The following MAGI1 variants were observed in gnomAD, a reference collection of about 807,000 sequenced individuals.
The protein encoded by MAGI1 is membrane associated guanylate kinase, WW and PDZ domain containing 1, also known as membrane-associated guanylate kinase, WW and PDZ domain-containing protein 1.
A neutral mutation model predicts 139.9 loss-of-function variants in MAGI1; 58 were observed. The ratio of observed to expected loss-of-function variants is 0.41; its 90% CI spans 0.34 to 0.52. The LOEUF (loss-of-function observed/expected upper bound fraction) is 0.52, where lower values mean the gene tolerates loss of function less well. Among genes scored for constraint, MAGI1 ranks in the 20% least tolerant of loss-of-function variants. MAGI1 has a pLI of 0.12. For synonymous variants in MAGI1, 812 were observed against 737.9 expected (o/e 1.10, Z -1.63); for missense variants, 1,874 against 1,901.6 (o/e 0.99, Z 0.27).
At chr3:65,790,620 T>C (rs968684965) in intron 1 of MAGI1, among the ~76,000 whole-genome samples, 1 of 152,196 alleles carries the variant, frequency 6.6e-6, no homozygotes, top group African/African-American at 2.4e-5. Context: ...ATAAGTCCTC[T>C]GGAGTCAGCT....
At chr3:66,003,123 T>C (rs989988510) in intron 1 of MAGI1, among the ~76,000 whole-genome samples, 28 of 152,080 alleles carry the variant, frequency 1.8e-4, no homozygotes, top group Admixed American at 1.8e-3. Flanking sequence ...CTTTGATACC[T>C]GTAAGACTGT....
intron 1 of MAGI1, among the ~76,000 whole-genome samples, chr3:65,851,063 C>G (rs929259981): frequency 6.6e-6 from 1 of 151,794 alleles, no homozygotes; most frequent in Non-Finnish European, 1.5e-5. Flanking sequence ...GCCGAGATCA[C>G]GCCACTGCAC....
chr3:65,688,738 A>G (rs1447376887), intron 1 of MAGI1, among the ~76,000 whole-genome samples: 1 of 152,194 alleles, frequency 6.6e-6, no homozygotes, highest in African/African-American at 2.4e-5. Flanking sequence ...GGATACCAAC[A>G]TATTTTCCTA....
chr3:65,638,597 A>ATT (rs1173086138), intron 1 of MAGI1, among the ~76,000 whole-genome samples: 861 of 40,994 alleles, frequency 0.021, 190 homozygotes, highest in East Asian at 0.067. Context: ...TGCTCTCCTG[A>ATT]TTTTTTTTTT....
intron 1 of MAGI1, among the ~76,000 whole-genome samples, chr3:65,770,974 A>T (rs1577062302): frequency 6.6e-6 from 1 of 152,018 alleles, no homozygotes; most frequent in East Asian, 1.9e-4. Flanking sequence ...TACAAACGCA[A>T]GCCACTACGC....
intron 2 of MAGI1, among the ~76,000 whole-genome samples, chr3:65,541,039 T>A (rs2079188678): frequency 1.3e-5 from 2 of 152,168 alleles, no homozygotes; most frequent in Admixed American, 1.3e-4. Context: ...GATATATTCT[T>A]TCCAAGGGAA....
chr3:65,829,549 GA>G (rs1478011741), intron 1 of MAGI1, among the ~76,000 whole-genome samples: 2 of 152,160 alleles, frequency 1.3e-5, no homozygotes, highest in African/African-American at 4.8e-5. Flanking sequence ...CTTGATCTTG[GA>G]CTTCCCAGCT....
At chr3:66,025,698 ATGTGTGTGTGTC>A (rs1223397269) in intron 1 of MAGI1, among the ~76,000 whole-genome samples, 1 of 152,020 alleles carries the variant, frequency 6.6e-6, no homozygotes, top group Non-Finnish European at 1.5e-5. Context: ...CTGTTTGTGT[ATGTGTGTGTGTC>A]TGTGTGTGTG....
intron 20 of MAGI1, among the ~76,000 whole-genome samples, chr3:65,363,862 G>C (rs1026929140): frequency 2.0e-5 from 3 of 152,170 alleles, no homozygotes; most frequent in Non-Finnish European, 4.4e-5. Flanking sequence ...GCTGTGATTT[G>C]CATTTGGGGA....
At chr3:65,882,203 G>A (rs1377883656) in intron 1 of MAGI1, among the ~76,000 whole-genome samples, 1 of 152,172 alleles carries the variant, frequency 6.6e-6, no homozygotes, top group Non-Finnish European at 1.5e-5. Flanking sequence ...GGCTCCTTGG[G>A]ATCACTCTAA....
At chr3:65,638,937 C>A (rs1350285063) in intron 1 of MAGI1, among the ~76,000 whole-genome samples, 1 of 151,946 alleles carries the variant, frequency 6.6e-6, no homozygotes, top group Non-Finnish European at 1.5e-5. Context: ...TTAGTAGAGA[C>A]AAGGTTGTGC....
At chr3:65,493,482 G>A in intron 3 of MAGI1, 30 bp downstream of exon 3, 1 of 1,613,968 alleles carries the variant, frequency 6.2e-7, no homozygotes, top group South Asian at 1.1e-5. Flanking sequence ...CAGGAGAGAA[G>A]CTTTTTATGC....
intron 2 of MAGI1, among the ~76,000 whole-genome samples, chr3:65,516,758 C>T (rs1276320973): frequency 3.7e-5 from 4 of 106,684 alleles, no homozygotes; most frequent in East Asian, 3.6e-4. Flanking sequence ...GACGGAGTCT[C>T]GCTCTGTGGC....
At chr3:65,825,405 C>T (rs2042168081) in intron 1 of MAGI1, among the ~76,000 whole-genome samples, 1 of 152,168 alleles carries the variant, frequency 6.6e-6, no homozygotes, top group African/African-American at 2.4e-5. Flanking sequence ...AGCACTTCTC[C>T]CCAACTTCGC....
At chr3:65,801,151 G>A (rs1217627234) in intron 1 of MAGI1, among the ~76,000 whole-genome samples, 1 of 152,148 alleles carries the variant, frequency 6.6e-6, no homozygotes, top group Non-Finnish European at 1.5e-5. Context: ...CAGATCTAAT[G>A]TTTCCAATGA....
At chr3:65,490,372 C>T (rs113690712) in intron 3 of MAGI1, among the ~76,000 whole-genome samples, 5 of 152,296 alleles carry the variant, frequency 3.3e-5, no homozygotes, top group African/African-American at 1.2e-4. Context: ...TTGTTAGTGT[C>T]CACCAATAGA....
intron 2 of MAGI1, among the ~76,000 whole-genome samples, chr3:65,540,984 C>A (rs1196739209): frequency 6.6e-6 from 1 of 152,014 alleles, no homozygotes. Context: ...GTATCAAAAA[C>A]AATTTTTAAA....
chr3:66,023,318 A>G (rs2068059794), intron 1 of MAGI1, among the ~76,000 whole-genome samples: 1 of 152,186 alleles, frequency 6.6e-6, no homozygotes, highest in African/African-American at 2.4e-5. Context: ...TTAACCCTGC[A>G]TTGGACTTTT....
intron 1 of MAGI1, among the ~76,000 whole-genome samples, chr3:65,926,253 A>G (rs761844186): frequency 6.6e-6 from 1 of 152,122 alleles, no homozygotes; most frequent in African/African-American, 2.4e-5. Context: ...AAAAATAAAT[A>G]CAATGTAAAT....
Sources: gnomAD v4.1 joint callset for allele counts (sites outside exome capture counted in the v4.1 genomes callset) on GRCh38, gnomAD v4.1.1 for gene constraint, MANE v1.5 for transcripts, NCBI Gene and HGNC (gene_info 2026-07-23, HGNC 2026-07-21) for gene names.